The following KLHDC4 variants were observed in gnomAD, a reference collection of about 807,000 sequenced individuals.
KLHDC4 encodes the protein kelch domain-containing protein 4.
In KLHDC4, 90 loss-of-function variants were observed where a neutral mutation model predicts 62.4. The ratio of observed to expected loss-of-function variants is 1.44; its 90% CI spans 1.22 to 1.72. The LOEUF is 1.72. KLHDC4 is among the 40% of genes most tolerant of loss of function. The pLI is 0.00. For synonymous variants in KLHDC4, 386 were observed against 284.4 expected, an observed-to-expected ratio of 1.36 and a Z score of -3.59; for missense variants, 1,025 against 699.7, an observed-to-expected ratio of 1.47 and a Z score of -5.25.
chr16:87,714,565 C>G lies in KLHDC4; in HGVS notation c.768G>C (p.Lys256Asn), dbSNP rs1567672609. Residue 256 changes from lysine (K) to asparagine (N), a missense_variant, in exon 8 of 12, where the codon AAG (lysine) becomes AAC (asparagine). Coordinates refer to ENST00000270583, the MANE Select transcript of KLHDC4 (RefSeq NM_017566.4). ...VYGGYSKQRV[K>N]KDVDKGTRHS... The stretch of plus-strand genomic sequence containing the variant: ...GCCGTGTGCCCTTGTCCACGTCTTT[C>G]TTAACTCTCTGCAATGGAAAGGAAT... 1.2e-6 allele frequency: 2 copies of G among 1,614,156 alleles called. No individual in the cohort carries two copies. The highest frequency in any genetic ancestry group is 8.5e-7 in the Non-Finnish European group (1 of 1,179,994).
At chr16:87,730,718 CAA>C in intron 5 of KLHDC4, 74 bp from the exon 6 acceptor site, 1 of 1,294,736 alleles carries the variant, frequency 7.7e-7, no homozygotes. Context: ...CAACAACAAA[CAA>C]AATCCAATTT....
chr16:87,712,335 C>T (rs549086842), intron 8 of KLHDC4, among the ~76,000 whole-genome samples: 10 of 152,290 alleles, frequency 6.6e-5, no homozygotes, highest in East Asian at 3.9e-4. Context: ...AGACGTCACC[C>T]GCCCATGCCC....
chr16:87,750,506 T>C (rs944177084), intron 4 of KLHDC4: 1 of 152,272 alleles, frequency 6.6e-6, no homozygotes, highest in African/African-American at 2.4e-5. Context: ...GGTTCTTTCA[T>C]AAAAGCCTCT....
rs890040521 is a variant in KLHDC4, at chr16:87,740,254, G to C, written c.506+8419C>G. On this transcript the variant is annotated intron_variant, in intron 5 of 11. Coordinates refer to ENST00000270583, the MANE Select transcript of KLHDC4 (RefSeq NM_017566.4). ...AGGGCAGGCCCACCGTGACTGAGGA[G>C]GGAAATGAGAGAGCTCCAGTGATCC... 2.0e-5 allele frequency among the ~76,000 whole-genome samples: 3 copies of C among 152,312 alleles called. No individual in the cohort carries two copies. In the South Asian group the frequency reaches 6.2e-4, roughly 32 times the overall value.
chr16:87,715,266 T>G (rs777121426), intron 7 of KLHDC4, among the ~76,000 whole-genome samples: 3 of 152,240 alleles, frequency 2.0e-5, no homozygotes, highest in Admixed American at 6.5e-5. Flanking sequence ...AATTCTCTAT[T>G]TTTAATACAC....
chr16:87,721,542 T>C (rs2038348034), intron 7 of KLHDC4, among the ~76,000 whole-genome samples: 1 of 151,564 alleles, frequency 6.6e-6, no homozygotes, highest in African/African-American at 2.4e-5. Flanking sequence ...TGAGACAACC[T>C]GCAGCCGGTG....
chr16:87,748,815 A>C lies in KLHDC4; in HGVS notation c.370-6T>G, dbSNP rs781244392. On this transcript the variant is annotated splice_polypyrimidine_tract_variant and splice_region_variant and intron_variant, in intron 4 of 11. Coordinates refer to ENST00000270583, the MANE Select transcript of KLHDC4 (RefSeq NM_017566.4). Reference sequence around the variant, plus strand: ...CCTTGAGGCACTACCACCGCCTGTGAAAAGAAAGGTGACAGGTCAGGGCAC... The same window carrying C: ...CCTTGAGGCACTACCACCGCCTGTGCAAAGAAAGGTGACAGGTCAGGGCAC... 3 of 1,611,858 alleles carry C rather than the reference A, an allele frequency of 1.9e-6. No individual in the cohort carries two copies. The South Asian group carries it at 3.3e-5, about 18-fold the overall frequency.
intron 2 of KLHDC4, among the ~76,000 whole-genome samples, chr16:87,760,097 A>C (rs1480610708): frequency 6.6e-6 from 1 of 152,150 alleles, no homozygotes; most frequent in Non-Finnish European, 1.5e-5. Flanking sequence ...AAAAGATCTT[A>C]ATCTCAGGAT....
At chr16:87,738,239 G>T (rs931974220) in intron 5 of KLHDC4, among the ~76,000 whole-genome samples, 1 of 152,134 alleles carries the variant, frequency 6.6e-6, no homozygotes, top group African/African-American at 2.4e-5. Flanking sequence ...TCATCCTGCC[G>T]AGGAGCCTTC....
intron 8 of KLHDC4, among the ~76,000 whole-genome samples, chr16:87,713,623 G>A (rs1205741387): frequency 3.9e-5 from 6 of 152,054 alleles, no homozygotes; most frequent in African/African-American, 1.4e-4. Flanking sequence ...TGTGAGAACT[G>A]ACGGGCAGCC....
intron 8 of KLHDC4, among the ~76,000 whole-genome samples, chr16:87,712,577 G>A (rs940480524): frequency 6.6e-6 from 1 of 152,258 alleles, no homozygotes; most frequent in African/African-American, 2.4e-5. Flanking sequence ...CAGCATCCAG[G>A]TTCAAGTTCA....
intron 5 of KLHDC4, among the ~76,000 whole-genome samples, chr16:87,735,689 C>G (rs547389061): frequency 6.6e-6 from 1 of 152,244 alleles, no homozygotes; most frequent in African/African-American, 2.4e-5. Context: ...GAAACCCCAA[C>G]AGGCTTCTCA....
At chr16:87,717,394 A>C (rs1039015540) in intron 7 of KLHDC4, among the ~76,000 whole-genome samples, 2 of 152,230 alleles carry the variant, frequency 1.3e-5, no homozygotes, top group South Asian at 4.1e-4. Flanking sequence ...TGGAAAAAAA[A>C]CATTTTCCTT....
chr16:87,714,380 CGCTCCGGGCAGGGTGCAGGGGCTCA>C, intron 8 of KLHDC4, 93 bp downstream of exon 8: 2 of 1,360,376 alleles, frequency 1.5e-6, no homozygotes, highest in Non-Finnish European at 1.9e-6. Context: ...GCAGGCCCTC[CGCTCCGGGCAGGGTGCAGGGGCTCA>C]CCGCCAGCCC....
At position 87,707,948 on chromosome 16, in the gene KLHDC4, G is replaced by A. The variant is rs529101749; in HGVS notation, c.*129C>T. On this transcript the variant is annotated 3_prime_UTR_variant, in exon 12 of 12. Coordinates refer to ENST00000270583, the MANE Select transcript of KLHDC4 (RefSeq NM_017566.4). ...GGGAGAAAGTTCACACCCTGGCCTGGGCCACCCACCTTCAGCTCTCTCCTG... is the reference window on the plus strand; with the variant it reads ...GGGAGAAAGTTCACACCCTGGCCTGAGCCACCCACCTTCAGCTCTCTCCTG... 12 of 467,642 alleles carry A rather than the reference G, an allele frequency of 2.6e-5. No homozygotes were observed. Among genetic ancestry groups the A allele is most frequent in the South Asian group, 1.9e-4 (12 of 64,654 alleles). 29.0% of individuals were successfully genotyped at this position (467,642 alleles called of 1,614,324 possible).
chr16:87,730,757 C>A (rs2040204128), intron 5 of KLHDC4, 113 bp from the exon 6 acceptor site: 2 of 849,282 alleles, frequency 2.4e-6, no homozygotes, highest in African/African-American at 3.4e-5. Flanking sequence ...TTTGTGAGCA[C>A]TTACTGCTCA....
intron 5 of KLHDC4, among the ~76,000 whole-genome samples, chr16:87,744,711 A>T (rs920750645): frequency 1.3e-5 from 2 of 152,254 alleles, no homozygotes; most frequent in African/African-American, 4.8e-5. Context: ...ATAAAGCTAC[A>T]GTAATTAAAA....
Position 87,730,728 on chromosome 16 carries a change from T to C in KLHDC4, c.507-84A>G, listed in dbSNP as rs1384622406. 3 of 1,127,694 alleles carry C rather than the reference T, an allele frequency of 2.7e-6. No individual in the cohort carries two copies. The Admixed American group carries it at 6.3e-5, about 24-fold the overall frequency. 69.9% of individuals were successfully genotyped at this position (1,127,694 alleles called of 1,614,324 possible). ...GACGACAACAACAAACAAAATCCAA[T>C]TTTTACACTGATTTCTGTTTTGTGA... On this transcript the variant is annotated intron_variant, in intron 5 of 11. Coordinates refer to ENST00000270583, the MANE Select transcript of KLHDC4 (RefSeq NM_017566.4).
At position 87,756,440 on chromosome 16, in the gene KLHDC4, C is replaced by T. The variant is rs763122789; in HGVS notation, c.229G>A (p.Glu77Lys). 4 of 1,614,028 alleles carry T rather than the reference C, an allele frequency of 2.5e-6. No individual in the cohort carries two copies. The highest frequency in any genetic ancestry group is 3.4e-6 in the Non-Finnish European group (4 of 1,179,924). The change falls in exon 3 of 12, where the codon GAG becomes AAG. Residue 77 changes from glutamate to lysine, a missense_variant. By Grantham distance (56) the Glu-to-Lys change is moderately conservative. Coordinates refer to ENST00000270583, the MANE Select transcript of KLHDC4 (RefSeq NM_017566.4). Reference protein sequence around the residue: ...ASLSVHPEKDELILFGGEYFN... With the variant: ...ASLSVHPEKDKLILFGGEYFN... ...TATTCACCTCCAAAAAGGATTAACT[C>T]ATCTTTCTCAGGATGAACCGAGAGG...
Sources: allele counts gnomAD v4.1 joint callset (sites outside exome capture counted in the v4.1 genomes callset), GRCh38; gene constraint gnomAD v4.1.1; transcripts MANE v1.5; gene names NCBI Gene and HGNC (gene_info 2026-07-23, HGNC 2026-07-21).